EML6: variants seen among roughly 807,000 people sequenced by gnomAD.
EML6 encodes the protein echinoderm microtubule-associated protein-like 6.
A neutral mutation model predicts 240.1 loss-of-function variants in EML6; 154 were observed. The observed-to-expected ratio is 0.64, with a 90% CI of 0.56 to 0.73. The LOEUF is 0.73. EML6 is among the 30% of genes least tolerant of loss of function. The probability of loss-of-function intolerance (pLI) is 0.00; values close to 1 mark genes in which losing one functional copy is unlikely to be tolerated. For synonymous variants in EML6, 1,148 were observed against 899.0 expected (o/e 1.28, Z -4.95); for missense variants, 2,964 against 2,474.6 (o/e 1.20, Z -4.20).
intron 4 of EML6, among the ~76,000 whole-genome samples, chr2:54,819,639 G>A (rs1384399925): frequency 2.0e-5 from 3 of 152,070 alleles, no homozygotes; most frequent in African/African-American, 7.2e-5. Context: ...AACTGGGCGT[G>A]GTGGCACGCG....
At chr2:54,889,468 T>C (rs557913010) in intron 17 of EML6, among the ~76,000 whole-genome samples, 1 of 143,288 alleles carries the variant, frequency 7.0e-6, no homozygotes, top group Non-Finnish European at 1.6e-5. Flanking sequence ...GCCTTTTTAA[T>C]CTTACTTATC....
intron 7 of EML6, among the ~76,000 whole-genome samples, chr2:54,839,480 G>A (rs10208786): frequency 6.6e-6 from 1 of 152,084 alleles, no homozygotes; most frequent in Non-Finnish European, 1.5e-5. Flanking sequence ...AGGGAGAGAC[G>A]CAGTTGCTCT....
chr2:54,947,385 ATTC>A (rs1279041346), intron 28 of EML6, among the ~76,000 whole-genome samples: 5 of 152,110 alleles, frequency 3.3e-5, no homozygotes, highest in African/African-American at 1.2e-4. Flanking sequence ...CTGTCTACCC[ATTC>A]TTCAGTGGTG....
rs542643691 is a variant in EML6, at chr2:54,967,965, G to T, written c.5598-163G>T. On this transcript the variant is annotated intron_variant, in intron 39 of 41. Transcript: ENST00000356458. ...ACTGCTCACCTCCTGCCCTGCGGTC[G>T]GTTCCTAACAGGCCATGGACCAGTA... Among the ~76,000 whole-genome samples the T allele has an allele frequency of 2.6e-5, 4 of 152,270 alleles. No homozygotes were observed. The East Asian group carries it at 7.7e-4, about 29-fold the overall frequency.
At chr2:54,885,082 G>A (rs946232816) in intron 17 of EML6, among the ~76,000 whole-genome samples, 3 of 152,116 alleles carry the variant, frequency 2.0e-5, no homozygotes, top group Non-Finnish European at 4.4e-5. Context: ...ATCTGAGCCC[G>A]GGAGGCAGAG....
intron 25 of EML6, among the ~76,000 whole-genome samples, chr2:54,912,094 A>G (rs1673673177): frequency 6.6e-6 from 1 of 152,230 alleles, no homozygotes; most frequent in Admixed American, 6.5e-5. Context: ...CTGTCCCAGT[A>G]TTGTAAGGTT....
intron 2 of EML6, among the ~76,000 whole-genome samples, chr2:54,762,832 A>C (rs1668036174): frequency 6.6e-6 from 1 of 152,146 alleles, no homozygotes; most frequent in East Asian, 1.9e-4. Context: ...TGGTTCTTTT[A>C]GTGGGACTGG....
chr2:54,861,200 C>A (rs1264129618), intron 12 of EML6, among the ~76,000 whole-genome samples: 1 of 152,154 alleles, frequency 6.6e-6, no homozygotes, highest in African/African-American at 2.4e-5. Flanking sequence ...TCTGGCTCGC[C>A]CCAGTGATAA....
intron 2 of EML6, among the ~76,000 whole-genome samples, chr2:54,793,250 G>C (rs1669557429): frequency 6.6e-6 from 1 of 152,154 alleles, no homozygotes; most frequent in Non-Finnish European, 1.5e-5. Flanking sequence ...CTGGGCAACA[G>C]AGCAAGACTG....
chr2:54,787,721 G>A (rs1207750267), intron 2 of EML6, among the ~76,000 whole-genome samples: 4 of 152,166 alleles, frequency 2.6e-5, no homozygotes, highest in Admixed American at 2.6e-4. Flanking sequence ...TCAGTCTGGG[G>A]TACTTCCTTA....
chr2:54,758,436 T>C (rs906496170), intron 2 of EML6, among the ~76,000 whole-genome samples: 2 of 152,336 alleles, frequency 1.3e-5, no homozygotes, highest in African/African-American at 2.4e-5. Flanking sequence ...TGGACCTCTA[T>C]ACGTGTGGTT....
At position 54,850,186 on chromosome 2, in the gene EML6, G is replaced by A. The variant is rs1000066743; in HGVS notation, c.1412G>A (p.Gly471Asp). Reference sequence around the variant, plus strand: ...AGTAAATACTTACAAACTAATGACGGTGCAGGAGAACGATTGTTCTACAGA... The same window carrying A: ...AGTAAATACTTACAAACTAATGACGATGCAGGAGAACGATTGTTCTACAGA... ...LDSKYLQTNDGAGERLFYRMP... is the reference protein window; with the variant it reads ...LDSKYLQTNDDAGERLFYRMP... Residue 471 changes from glycine (G) to aspartate (D), a missense_variant, in exon 10 of 42, where the codon GGT (glycine) becomes GAT (aspartate). By Grantham distance (94) the Gly-to-Asp change is moderately conservative. Coordinates refer to ENST00000356458, the MANE Select transcript of EML6 (RefSeq NM_001039753.4). 1 of 1,551,662 alleles carries A rather than the reference G, an allele frequency of 6.4e-7. No individual in the cohort carries two copies. Among genetic ancestry groups the A allele is most frequent in the East Asian group, 2.4e-5 (1 of 40,922 alleles).
rs538363819 is a variant in EML6, at chr2:54,850,019, A to G, written c.1245A>G (p.Lys415=). 92 of 1,551,726 alleles carry G rather than the reference A, an allele frequency of 5.9e-5. No homozygotes were observed. Among genetic ancestry groups the G allele is most frequent in the Admixed American group, 2.0e-5 (1 of 51,006 alleles). ...KDRKEVIHEM[K]FSPDGSYLAV... is the part of the protein sequence containing the mutation. ...GAAAAGAAGTCATTCATGAAATGAA[A>G]TTTTCTCCAGATGGTTCTTACCTTG... is the stretch of plus-strand genomic sequence containing the variant. The change falls in exon 10 of 42, where the codon AAA becomes AAG. Residue 415 remains lysine (K), a synonymous_variant. Coordinates refer to ENST00000356458, the MANE Select transcript of EML6 (RefSeq NM_001039753.4).
Position 54,950,758 on chromosome 2 carries a change from A to T in EML6, c.4192A>T (p.Ile1398Phe). Residue 1398 changes from isoleucine (I) to phenylalanine (F), a missense_variant, in exon 30 of 42, where the codon ATC becomes TTC. Transcript: ENST00000356458. Reference protein sequence around the residue: ...DIIFHTAAAGIVQNLSTGSQS... With the variant: ...DIIFHTAAAGFVQNLSTGSQS... ...CATCTTCCACACAGCAGCGGCTGGC[A>T]TCGTTCAGAACCTCTCCACAGGTAA... 6.4e-7 allele frequency: 1 copy of T among 1,551,586 alleles called. No homozygotes were observed. The highest frequency in any genetic ancestry group is 8.7e-7 in the Non-Finnish European group (1 of 1,146,964).
chr2:54,864,149 G>C (rs529757006), intron 13 of EML6, among the ~76,000 whole-genome samples: 25 of 152,232 alleles, frequency 1.6e-4, no homozygotes, highest in African/African-American at 6.0e-4. Context: ...TGCCTCCCTA[G>C]CACCTAAAAC....
intron 24 of EML6, among the ~76,000 whole-genome samples, chr2:54,904,062 T>G (rs1673194584): frequency 1.3e-5 from 2 of 152,220 alleles, no homozygotes; most frequent in Admixed American, 6.5e-5. Context: ...GCTTTTATGG[T>G]GTTGCATAGT....
At chr2:54,948,999 C>A in intron 29 of EML6, 39 bp downstream of exon 29, 2 of 1,409,952 alleles carry the variant, frequency 1.4e-6, no homozygotes, top group South Asian at 1.2e-5. Context: ...TATTGACGTT[C>A]TAAGACATAC....
rs1010996928 is a variant in EML6, at chr2:54,970,107, C to A, written c.*12C>A. Reference sequence around the variant, plus strand: ...GGCGATGTCTGTAAAATGCCAGAAGCCTCTTATGTTATTGCTGCTGCTGCT... The same window carrying A: ...GGCGATGTCTGTAAAATGCCAGAAGACTCTTATGTTATTGCTGCTGCTGCT... On this transcript the variant is annotated 3_prime_UTR_variant, in exon 42 of 42. Coordinates refer to ENST00000356458, the MANE Select transcript of EML6 (RefSeq NM_001039753.4). The A allele has an allele frequency of 6.4e-7, 1 of 1,551,456 alleles. No homozygotes were observed. Among genetic ancestry groups the A allele is most frequent in the African/African-American group, 1.4e-5 (1 of 73,028 alleles).
intron 2 of EML6, among the ~76,000 whole-genome samples, chr2:54,737,012 C>T (rs538710920): frequency 6.6e-6 from 1 of 152,282 alleles, no homozygotes; most frequent in South Asian, 2.1e-4. Flanking sequence ...GAACTAAATG[C>T]AATGTGTGAC....
Sources: gnomAD v4.1 joint callset for allele counts (sites outside exome capture counted in the v4.1 genomes callset) on GRCh38, gnomAD v4.1.1 for gene constraint, MANE v1.5 for transcripts, NCBI Gene and HGNC (gene_info 2026-07-23, HGNC 2026-07-21) for gene names.